The following COX16 variants were observed in gnomAD, a reference collection of about 807,000 sequenced individuals.
COX16 encodes the protein cytochrome c oxidase assembly protein COX16 homolog, mitochondrial.
A neutral mutation model predicts 15.4 loss-of-function variants in COX16; 12 were observed. That is an observed-to-expected ratio of 0.78 (90% CI 0.50 to 1.26). The LOEUF is 1.26. Among genes scored for constraint, COX16 ranks in the 50% most tolerant of loss-of-function variants. The pLI is 0.00. For missense variants in COX16, 124 were observed against 127.6 expected (o/e 0.97, Z 0.14); for synonymous variants, 46 against 41.1 (o/e 1.12, Z -0.46).
At position 70,331,692 on chromosome 14, in the gene COX16, G is replaced by T. The variant is rs138345502; in HGVS notation, c.142-2456C>A. Among the ~76,000 whole-genome samples the T allele has an allele frequency of 7.2e-5, 11 of 152,312 alleles. No individual in the cohort carries two copies. In the East Asian group the frequency reaches 1.9e-3, roughly 27 times the overall value. ...TAAATTGCTGGTAACAGTATAGATG[G>T]ATAGTCATTCTGAAAAACAGTTTGG... On this transcript the variant is annotated intron_variant, in intron 2 of 3. Transcript: ENST00000389912.
Position 70,342,372 on chromosome 14 carries a change from G to A in COX16, c.141+286C>T, listed in dbSNP as rs1594917790. Among the ~76,000 whole-genome samples, 3 of 152,172 alleles carry A rather than the reference G, an allele frequency of 2.0e-5. No individual in the cohort carries two copies. In the South Asian group the frequency reaches 6.2e-4, roughly 32 times the overall value. On this transcript the variant is annotated intron_variant, in intron 2 of 3. Coordinates refer to ENST00000389912, the MANE Select transcript of COX16 (RefSeq NM_016468.7). ...GAGACAAGAGAATTGCTTGAGCCTG[G>A]GAGGCAGAGGTTGCAGTGAACCAGG...
chr14:70,327,680 C>T (rs1886126426), intron 3 of COX16, among the ~76,000 whole-genome samples: 1 of 151,912 alleles, frequency 6.6e-6, no homozygotes, highest in African/African-American at 2.4e-5. Context: ...GAATAATGGC[C>T]ATTATCCAGG....
intron 2 of COX16, among the ~76,000 whole-genome samples, chr14:70,335,735 A>T (rs1382000793): frequency 2.6e-5 from 4 of 152,184 alleles, no homozygotes; most frequent in Admixed American, 2.6e-4. Context: ...AAACTTGAGT[A>T]AATGCAGAAG....
chr14:70,345,802 C>T (rs1256217161), intron 1 of COX16, among the ~76,000 whole-genome samples: 1 of 152,094 alleles, frequency 6.6e-6, no homozygotes, highest in Non-Finnish European at 1.5e-5. Flanking sequence ...CGCCTTTCTC[C>T]TCCCGACCCT....
At chr14:70,338,910 T>G (rs1232682626) in intron 2 of COX16, among the ~76,000 whole-genome samples, 1 of 152,236 alleles carries the variant, frequency 6.6e-6, no homozygotes, top group African/African-American at 2.4e-5. Flanking sequence ...ATGCTCCGTT[T>G]TGGTTATTTA....
chr14:70,346,796 A>ACCC (rs1473568393), intron 1 of COX16, among the ~76,000 whole-genome samples: 1 of 151,464 alleles, frequency 6.6e-6, no homozygotes, highest in Non-Finnish European at 1.5e-5. Context: ...ACCCTGAGCC[A>ACCC]CCCCTCCACT....
chr14:70,334,902 CAG>C (rs563831084), intron 2 of COX16, among the ~76,000 whole-genome samples: 116 of 152,242 alleles, frequency 7.6e-4, no homozygotes, highest in African/African-American at 2.7e-3. Flanking sequence ...AGTTAGAAAA[CAG>C]AGTGGCTCAC....
At chr14:70,347,034 T>C (rs1230818229) in intron 1 of COX16, among the ~76,000 whole-genome samples, 1 of 151,906 alleles carries the variant, frequency 6.6e-6, no homozygotes, top group Admixed American at 6.6e-5. Context: ...AACCCCGCTG[T>C]TTAGAATATT....
rs34287273 is a variant in COX16, at chr14:70,349,235, C to T, written c.70-6506G>A. ...TGCCACTCAGTGTCACCCCAGGGCT[C>T]CCTCCGGCCACCGCCTTTTCCTACC... On this transcript the variant is annotated intron_variant, in intron 1 of 3. Coordinates refer to ENST00000389912, the MANE Select transcript of COX16 (RefSeq NM_016468.7). Among the ~76,000 whole-genome samples, 996 of 152,286 alleles carry T rather than the reference C, an allele frequency of 6.5e-3. 16 individuals carry two copies. The highest frequency in any genetic ancestry group is 0.012 in the Non-Finnish European group (809 of 68,024).
intron 1 of COX16, among the ~76,000 whole-genome samples, chr14:70,350,329 G>A (rs2140741474): frequency 6.6e-6 from 1 of 152,282 alleles, no homozygotes; most frequent in East Asian, 1.9e-4. Context: ...ACAGGAGACT[G>A]TAAAACTTTC....
At chr14:70,348,868 G>A (rs573286043) in intron 1 of COX16, among the ~76,000 whole-genome samples, 1 of 152,214 alleles carries the variant, frequency 6.6e-6, no homozygotes, top group East Asian at 1.9e-4. Context: ...ACCAAACCCG[G>A]GACAATCCTA....
intron 1 of COX16, among the ~76,000 whole-genome samples, chr14:70,352,630 TATTTC>T (rs1886990652): frequency 1.4e-5 from 2 of 143,472 alleles, no homozygotes; most frequent in South Asian, 4.5e-4. Flanking sequence ...AACACAAATA[TATTTC>T]TTTTTTTTTC....
intron 2 of COX16, among the ~76,000 whole-genome samples, chr14:70,329,637 T>C (rs1471170279): frequency 6.8e-6 from 1 of 146,900 alleles, no homozygotes. Context: ...AATTATATTA[T>C]GGAGAAATAA....
At chr14:70,353,447 T>TAC (rs1413378285) in intron 1 of COX16, among the ~76,000 whole-genome samples, 1 of 148,226 alleles carries the variant, frequency 6.7e-6, no homozygotes, top group African/African-American at 2.5e-5. Context: ...CACATATATA[T>TAC]ACACACATAT....
In COX16 at chr14:70,327,881, C is replaced by T. The variant is rs1051327176; in HGVS notation, c.204+1293G>A. ...AAACCACCCAAGACATAACACTTCA[C>T]AGCCAACTGGTATAGGCCTGAGTGT... is the stretch of plus-strand genomic sequence containing the variant. On this transcript the variant is annotated intron_variant, in intron 3 of 3. Coordinates refer to ENST00000389912, the MANE Select transcript of COX16 (RefSeq NM_016468.7). 2.0e-5 allele frequency among the ~76,000 whole-genome samples: 3 copies of T among 152,014 alleles called. No homozygotes were observed. In the South Asian group the frequency reaches 6.2e-4, roughly 32 times the overall value.
At chr14:70,327,421 ACT>A (rs2140670349) in intron 3 of COX16, among the ~76,000 whole-genome samples, 1 of 152,148 alleles carries the variant, frequency 6.6e-6, no homozygotes, top group African/African-American at 2.4e-5. Context: ...TCCCAGACAA[ACT>A]CTTCATAGCA....
chr14:70,354,151 A>G (rs923821352), intron 1 of COX16, among the ~76,000 whole-genome samples: 3 of 152,204 alleles, frequency 2.0e-5, no homozygotes, highest in African/African-American at 7.2e-5. Context: ...CTCTCTTAAA[A>G]AAACAACAAT....
chr14:70,336,698 G>A (rs1886467651), intron 2 of COX16, among the ~76,000 whole-genome samples: 1 of 152,084 alleles, frequency 6.6e-6, no homozygotes, highest in South Asian at 2.1e-4. Flanking sequence ...TACTTTGTGT[G>A]ATTTAAAAGA....
At chr14:70,357,179 A>C (rs1054141446) in intron 1 of COX16, among the ~76,000 whole-genome samples, 3 of 151,306 alleles carry the variant, frequency 2.0e-5, no homozygotes, top group South Asian at 2.1e-4. Flanking sequence ...AAAAAAAAAA[A>C]AAAAAAAAAA....
Sources: gnomAD v4.1 joint callset for allele counts (sites outside exome capture counted in the v4.1 genomes callset) on GRCh38, gnomAD v4.1.1 for gene constraint, MANE v1.5 for transcripts, NCBI Gene and HGNC (gene_info 2026-07-23, HGNC 2026-07-21) for gene names.